The following SACS variants were observed in gnomAD, a reference collection of about 807,000 sequenced individuals.
SACS encodes the protein sacsin molecular chaperone, also known as sacsin.
A neutral mutation model predicts 348.0 loss-of-function variants in SACS; 197 were observed. The observed-to-expected ratio is 0.57, with a 90% CI of 0.50 to 0.64. The LOEUF is 0.64. SACS is among the 30% of genes least tolerant of loss of function. The probability of loss-of-function intolerance (pLI) is 0.00; values close to 1 mark genes in which losing one functional copy is unlikely to be tolerated. For synonymous variants in SACS, 1,985 were observed against 1,910.6 expected (o/e 1.04, Z -1.02); for missense variants, 4,999 against 5,360.8 (o/e 0.93, Z 2.11).
At chr13:23,369,992 G>C (rs1871286870) in intron 4 of SACS, among the ~76,000 whole-genome samples, 1 of 151,902 alleles carries the variant, frequency 6.6e-6, no homozygotes, top group Non-Finnish European at 1.5e-5. Context: ...CCAAGTGGCT[G>C]GGAGTACAGG....
chr13:23,389,500 G>A (rs1366890762), intron 2 of SACS, among the ~76,000 whole-genome samples: 5 of 152,118 alleles, frequency 3.3e-5, no homozygotes, highest in East Asian at 1.9e-4. Context: ...TTAGAAAGTC[G>A]TCTTTACATC....
At position 23,355,334 on chromosome 13, in the gene SACS, T is replaced by A. The variant is rs138413501; in HGVS notation, c.1278A>T (p.Leu426Phe). 6.1e-5 allele frequency: 99 copies of A among 1,614,018 alleles called. No individual in the cohort carries two copies. The African/African-American group carries it at 1.3e-3, about 21-fold the overall frequency. Residue 426 changes from leucine (L) to phenylalanine (F), a missense_variant, in exon 8 of 10, where the codon TTA (leucine) becomes TTT (phenylalanine). Transcript: ENST00000382292. ...FVPIIGIAMP[L>F]SSRDDEAKGA... Reference sequence around the variant, plus strand: ...CTTTTGCTTCATCATCTCTGCTTGATAAAGGCATGGCTATTCCAATGATTG... The same window carrying A: ...CTTTTGCTTCATCATCTCTGCTTGAAAAAGGCATGGCTATTCCAATGATTG...
At chr13:23,358,503 C>T (rs752938093) in intron 6 of SACS, 22 bp from the exon 7 acceptor site, 1 of 1,613,612 alleles carries the variant, frequency 6.2e-7, no homozygotes. Flanking sequence ...AATGCGCAGG[C>T]AGGAATTCAA....
chr13:23,344,408 A>G (rs187038100), intron 9 of SACS, among the ~76,000 whole-genome samples: 1 of 152,244 alleles, frequency 6.6e-6, no homozygotes, highest in African/African-American at 2.4e-5. Flanking sequence ...CACACACTAC[A>G]TATAGCATGC....
At chr13:23,359,416 GTTTT>G (rs545575402) in intron 6 of SACS, among the ~76,000 whole-genome samples, 1 of 151,996 alleles carries the variant, frequency 6.6e-6, no homozygotes, top group Non-Finnish European at 1.5e-5. Context: ...AGTGTTTGAA[GTTTT>G]TTTATCAGCC....
intron 2 of SACS, among the ~76,000 whole-genome samples, chr13:23,403,619 T>C (rs1284005735): frequency 6.6e-6 from 1 of 152,158 alleles, no homozygotes; most frequent in Non-Finnish European, 1.5e-5. Flanking sequence ...TTTTTTATTA[T>C]GTCTATTTGA....
chr13:23,420,161 C>T (rs2137991218), intron 1 of SACS, among the ~76,000 whole-genome samples: 1 of 152,052 alleles, frequency 6.6e-6, no homozygotes, highest in African/African-American at 2.4e-5. Flanking sequence ...ATCTGGTGCC[C>T]CATGTCCACC....
chr13:23,387,465 A>G (rs1458782946), intron 2 of SACS, among the ~76,000 whole-genome samples: 3 of 77,914 alleles, frequency 3.9e-5, no homozygotes, highest in African/African-American at 9.0e-5. Flanking sequence ...CCGTCTCAGA[A>G]AAAAAAAAAA....
rs776727312 is a variant in SACS, at chr13:23,333,752, C to T, written c.10124G>A (p.Arg3375Lys). Residue 3375 changes from arginine to lysine, a missense_variant, in exon 10 of 10, where the codon AGA (arginine) becomes AAA (lysine). By Grantham distance (26) the Arg-to-Lys change is conservative. Coordinates refer to ENST00000382292, the MANE Select transcript of SACS (RefSeq NM_014363.6). ...LHYMVQTSTF[R>K]AEKLVENDFE... ...ATCATTTTCTACTAATTTTTCTGCT[C>T]TAAATGTTGAAGTTTGGACCATATA... is the stretch of plus-strand genomic sequence containing the variant. 6.2e-7 allele frequency: 1 copy of T among 1,613,756 alleles called. No homozygotes were observed. Among genetic ancestry groups the T allele is most frequent in the East Asian group, 2.2e-5 (1 of 44,878 alleles).
Position 23,335,864 on chromosome 13 carries a change from T to C in SACS, c.8012A>G (p.Asp2671Gly), listed in dbSNP as rs373785542. 6.2e-7 allele frequency: 1 copy of C among 1,613,950 alleles called. No individual in the cohort carries two copies. Among genetic ancestry groups the C allele is most frequent in the Non-Finnish European group, 8.5e-7 (1 of 1,179,898 alleles). ...TGAGAACTGTGTCCTAAAATCTGCA[T>C]CCAAATCTCTAAACATGCGTCCGGG... ...ISPGRMFRDL[D>G]ADFRTQFSDV... The change falls in exon 10 of 10, where the codon GAT becomes GGT. Residue 2671 changes from aspartate to glycine, a missense_variant. Coordinates refer to ENST00000382292, the MANE Select transcript of SACS (RefSeq NM_014363.6). The surrounding 1 kb of genome is among the most constrained non-coding windows in gnomAD (Gnocchi z 4.7).
rs1278285900 is a variant in SACS at position 23,330,999 on chromosome 13, G to A, written c.12877C>T (p.Gln4293Ter). The change falls in exon 10 of 10, where the codon CAG (glutamine) becomes TAG (stop). Residue 4293 changes from glutamine to a stop codon, truncating the protein, a stop_gained. Transcript: ENST00000382292. LOFTEE classifies it high-confidence loss of function. The part of the protein sequence containing the change: ...RESHKTSSKH[Q>*]SPKKLKVNSL... ...TTAACCTTAAGCTTTTTGGGGGACT[G>A]ATGTTTGGAAGAAGTCTTGTGGCTC... 1 of 1,614,108 alleles carries A rather than the reference G, an allele frequency of 6.2e-7. No homozygotes were observed. The highest frequency in any genetic ancestry group is 8.5e-7 in the Non-Finnish European group (1 of 1,179,982).
chr13:23,355,989 C>T lies in SACS; in HGVS notation c.623G>A (p.Ser208Asn). ...ATCTAGCATCCCGATTTGGTCACCA[C>T]TAAAGATACAAGGAACATCTGTAAA... Reference protein sequence around the residue: ...YHITDVPCIFSGDQIGMLDPH... With the variant: ...YHITDVPCIFNGDQIGMLDPH... Residue 208 changes from serine to asparagine, a missense_variant, in exon 8 of 10, where the codon AGT (serine) becomes AAT (asparagine). Around this residue, in one of 6 missense-constraint regions of SACS, gnomAD observed 3,156 missense variants for 3,380.1 expected, o/e 0.93. Coordinates refer to ENST00000382292, the MANE Select transcript of SACS (RefSeq NM_014363.6). 2 of 1,613,472 alleles carry T rather than the reference C, an allele frequency of 1.2e-6. No homozygotes were observed. The highest frequency in any genetic ancestry group is 1.7e-6 in the Non-Finnish European group (2 of 1,179,820).
intron 9 of SACS, among the ~76,000 whole-genome samples, chr13:23,343,458 G>A (rs2766114): frequency 0.23 from 35,595 of 152,138 alleles, 4,616 homozygotes; most frequent in Non-Finnish European, 0.29. Flanking sequence ...GCGCCAAAGC[G>A]GGTGGAACAC....
intron 2 of SACS, among the ~76,000 whole-genome samples, chr13:23,399,356 C>T (rs1566102324): frequency 6.6e-6 from 1 of 152,180 alleles, no homozygotes; most frequent in Non-Finnish European, 1.5e-5. Context: ...CGGTCCCAAT[C>T]TGTAACTCAC....
chr13:23,371,437 G>A (rs1275724870), intron 3 of SACS, among the ~76,000 whole-genome samples: 3 of 152,104 alleles, frequency 2.0e-5, no homozygotes, highest in South Asian at 4.2e-4. Flanking sequence ...TTTAAATGAT[G>A]AATCGGGATC....
intron 9 of SACS, among the ~76,000 whole-genome samples, chr13:23,343,603 G>A (rs1463478230): frequency 6.6e-6 from 1 of 152,202 alleles, no homozygotes; most frequent in Admixed American, 6.5e-5. Context: ...AGAACTGCTT[G>A]AACCCGGGAG....
intron 1 of SACS, among the ~76,000 whole-genome samples, chr13:23,419,819 CT>C (rs1467342256): frequency 1.3e-5 from 2 of 152,150 alleles, no homozygotes; most frequent in Non-Finnish European, 2.9e-5. Flanking sequence ...AATATATATT[CT>C]TTGGGGAGGT....
chr13:23,382,785 T>G (rs1566095350), intron 2 of SACS, among the ~76,000 whole-genome samples: 1 of 146,848 alleles, frequency 6.8e-6, no homozygotes, highest in East Asian at 1.9e-4. Flanking sequence ...TGTGTGTGGT[T>G]TTTGTTTTTT....
At chr13:23,357,757 C>T (rs1870488089) in intron 7 of SACS, among the ~76,000 whole-genome samples, 1 of 152,000 alleles carries the variant, frequency 6.6e-6, no homozygotes, top group Non-Finnish European at 1.5e-5. Context: ...CTATTGTTAA[C>T]TAGGAACCAG....
Sources: gnomAD v4.1 joint callset for allele counts (sites outside exome capture counted in the v4.1 genomes callset) on GRCh38, gnomAD v4.1.1 for gene constraint, gnomAD v4.1.1 regional missense constraint, Gnocchi (gnomAD v3.1) non-coding constraint, MANE v1.5 for transcripts, NCBI Gene and HGNC (gene_info 2026-07-23, HGNC 2026-07-21) for gene names.